EXT2: variants seen among roughly 807,000 people sequenced by gnomAD.
EXT2 encodes exostosin-2.
Under a neutral mutation model 81.6 loss-of-function variants are expected in EXT2, and 53 were observed. The observed-to-expected ratio is 0.65, with a 90% CI of 0.52 to 0.82. The LOEUF (loss-of-function observed/expected upper bound fraction) is 0.82, where lower values mean the gene tolerates loss of function less well. EXT2 is among the 40% of genes least tolerant of loss of function. The probability of loss-of-function intolerance (pLI) is 0.00; values close to 1 mark genes in which losing one functional copy is unlikely to be tolerated. For missense variants in EXT2, 774 were observed against 910.2 expected (o/e 0.85, Z 1.93); for synonymous variants, 320 against 340.0 (o/e 0.94, Z 0.65).
At chr11:44,228,757 G>A (rs1403635140) in intron 10 of EXT2, among the ~76,000 whole-genome samples, 5 of 152,154 alleles carry the variant, frequency 3.3e-5, no homozygotes, top group African/African-American at 1.2e-4. Flanking sequence ...ACCAAATTAA[G>A]TCCCTGAGAG....
chr11:44,134,875 GC>G (rs1247636888), intron 7 of EXT2, among the ~76,000 whole-genome samples: 1 of 152,196 alleles, frequency 6.6e-6, no homozygotes, highest in Non-Finnish European at 1.5e-5. Context: ...TTGACTAGAA[GC>G]CTTTGAGGTG....
At chr11:44,150,565 C>G (rs898436471) in intron 7 of EXT2, among the ~76,000 whole-genome samples, 3 of 152,162 alleles carry the variant, frequency 2.0e-5, no homozygotes, top group Non-Finnish European at 4.4e-5. Flanking sequence ...AGATCTTGCA[C>G]TGGGCAGTGG....
At chr11:44,148,141 AACTC>A in intron 7 of EXT2, among the ~76,000 whole-genome samples, 3 of 152,324 alleles carry the variant, frequency 2.0e-5, no homozygotes, top group Middle Eastern at 3.4e-3. Flanking sequence ...AGTAAGGACT[AACTC>A]CCAACTGTGT....
intron 12 of EXT2, among the ~76,000 whole-genome samples, chr11:44,235,827 A>T (rs1268294614): frequency 6.6e-6 from 1 of 152,188 alleles, no homozygotes; most frequent in Non-Finnish European, 1.5e-5. Context: ...ACTCAAGGGA[A>T]TTGCAAAATA....
In EXT2 at chr11:44,095,778, G is replaced by A. The variant is rs1304585709; in HGVS notation, c.-105G>A. 2 of 158,652 alleles carry A rather than the reference G, an allele frequency of 1.3e-5. No homozygotes were observed. Among genetic ancestry groups the A allele is most frequent in the Admixed American group, 6.5e-5 (1 of 15,348 alleles). 9.8% of individuals were successfully genotyped at this position (158,652 alleles called of 1,614,324 possible). A position where few individuals can be genotyped will look rare whatever the true frequency, so the allele number is the denominator to read the frequency against. ...GGCGATTCGGACCGATCCGACCTGGGCGGAGGTGGCCCGCGCCCCGCGGCA... is the reference window on the plus strand; with the variant it reads ...GGCGATTCGGACCGATCCGACCTGGACGGAGGTGGCCCGCGCCCCGCGGCA... On this transcript the variant is annotated 5_prime_UTR_variant, in exon 1 of 14. Coordinates refer to ENST00000533608, the MANE Select transcript of EXT2 (RefSeq NM_207122.2).
intron 7 of EXT2, chr11:44,144,294 C>A: frequency 6.3e-7 from 1 of 1,598,454 alleles, no homozygotes; most frequent in Non-Finnish European, 8.5e-7. Flanking sequence ...CTGCTAATCA[C>A]CAAATGAACT....
At chr11:44,119,726 C>T (rs1019948009) in intron 4 of EXT2, among the ~76,000 whole-genome samples, 1 of 152,210 alleles carries the variant, frequency 6.6e-6, no homozygotes, top group African/African-American at 2.4e-5. Flanking sequence ...TATAAGCAAG[C>T]CTTTCTAAGG....
chr11:44,151,766 C>T lies in EXT2; in HGVS notation c.1174-19845C>T, dbSNP rs536707601. Among the ~76,000 whole-genome samples, 7 of 152,208 alleles carry T rather than the reference C, an allele frequency of 4.6e-5. 1 individual carries two copies. In the South Asian group the frequency reaches 1.0e-3, roughly 23 times the overall value. On this transcript the variant is annotated intron_variant, in intron 7 of 13. Transcript: ENST00000533608. ...GTTGCTGGCTTGCATGGCAAGAATA[C>T]GTTTAGTTTTGTAGGAACCTACCAA...
rs571411623 is a variant in EXT2 at position 44,175,146 on chromosome 11, CTGTT to C, written c.1305+3407_1305+3410del. Among the ~76,000 whole-genome samples, 626 of 152,246 alleles carry C rather than the reference CTGTT, an allele frequency of 4.1e-3. 3 individuals carry two copies. The highest frequency in any genetic ancestry group is 5.9e-3 in the Non-Finnish European group (400 of 68,008). On this transcript the variant is annotated intron_variant, in intron 8 of 13. Coordinates refer to ENST00000533608, the MANE Select transcript of EXT2 (RefSeq NM_207122.2). Reference sequence around the variant, plus strand: ...GTGGGACCAGACTGGAGGCAGTAGACTGTTTGAGAAATGCAGATGAAAATTAATA... The same window carrying C: ...GTGGGACCAGACTGGAGGCAGTAGACTGAGAAATGCAGATGAAAATTAATA...
chr11:44,099,216 C>T (rs1565192968), intron 1 of EXT2, among the ~76,000 whole-genome samples: 2 of 151,996 alleles, frequency 1.3e-5, no homozygotes, highest in South Asian at 4.2e-4. Flanking sequence ...GACGGAGTCT[C>T]GCACTTTCAT....
In EXT2 at chr11:44,207,389, GTGGAGAGGC is replaced by G. The variant is rs1411281971; in HGVS notation, c.1662+434_1662+442del. Among the ~76,000 whole-genome samples, 7 of 152,240 alleles carry G rather than the reference GTGGAGAGGC, an allele frequency of 4.6e-5. No individual in the cohort carries two copies. In the East Asian group the frequency reaches 1.3e-3, roughly 29 times the overall value. On this transcript the variant is annotated intron_variant, in intron 10 of 13. Transcript: ENST00000533608. ...TGATGGCTTTCTTTCTGAGTTTTAA[GTGGAGAGGC>G]TGGCTGCCTGTCTTTAGGGAGAAAC...
At chr11:44,192,540 T>C (rs1246955533) in intron 8 of EXT2, among the ~76,000 whole-genome samples, 2 of 152,008 alleles carry the variant, frequency 1.3e-5, no homozygotes, top group Non-Finnish European at 2.9e-5. Context: ...CCAATACCAG[T>C]GTTTTAGTAG....
At chr11:44,213,903 T>C (rs1192678742) in intron 10 of EXT2, among the ~76,000 whole-genome samples, 1 of 152,202 alleles carries the variant, frequency 6.6e-6, no homozygotes, top group Non-Finnish European at 1.5e-5. Flanking sequence ...ATCCAAAGAA[T>C]AAATAGTATA....
rs200613371 is a variant in EXT2, at chr11:44,108,094, C to T, written c.382C>T (p.Arg128Trp). 225 of 1,614,162 alleles carry T rather than the reference C, an allele frequency of 1.4e-4. 1 individual carries two copies. In the South Asian group the frequency reaches 1.8e-3, roughly 13 times the overall value. ...CGTCTCTGTCAGCAACACCATCTCC[C>T]GGGAGTATAATGAACTGCTCATGGC... ...FGVSVSNTIS[R>W]EYNELLMAIS... The change falls in exon 2 of 14, where the codon CGG becomes TGG. Residue 128 changes from arginine (R) to tryptophan (W), a missense_variant. Transcript: ENST00000533608.
chr11:44,131,518 A>G (rs191304407), intron 7 of EXT2, among the ~76,000 whole-genome samples: 2 of 152,312 alleles, frequency 1.3e-5, no homozygotes, highest in African/African-American at 4.8e-5. Context: ...CGCAAATCGC[A>G]GGTTAGTTTT....
At chr11:44,137,523 A>C (rs1238359264) in intron 7 of EXT2, among the ~76,000 whole-genome samples, 1 of 151,422 alleles carries the variant, frequency 6.6e-6, no homozygotes, top group East Asian at 1.9e-4. Context: ...GCATTCTTTA[A>C]ATTTAGGAGA....
chr11:44,182,040 T>C (rs772731595), intron 8 of EXT2, among the ~76,000 whole-genome samples: 9 of 151,994 alleles, frequency 5.9e-5, no homozygotes, highest in Non-Finnish European at 1.0e-4. Context: ...GTTTTGGGGG[T>C]TGGGGAAAGG....
At position 44,240,379 on chromosome 11, in the gene EXT2, C is replaced by A. The variant is rs371392260; in HGVS notation, c.2019-3770C>A. ...GCAGGCTGGAGAAGGTCTTTGAATTCAATGGTTGTTGGTACCTTACAAAAA... is the reference window on the plus strand; with the variant it reads ...GCAGGCTGGAGAAGGTCTTTGAATTAAATGGTTGTTGGTACCTTACAAAAA... On this transcript the variant is annotated intron_variant, in intron 13 of 13. Coordinates refer to ENST00000533608, the MANE Select transcript of EXT2 (RefSeq NM_207122.2). Among the ~76,000 whole-genome samples, 48 of 152,248 alleles carry A rather than the reference C, an allele frequency of 3.2e-4. 1 individual carries two copies. In the East Asian group the frequency reaches 6.8e-3, roughly 21 times the overall value.
chr11:44,140,977 A>G (rs1244750242), intron 7 of EXT2, among the ~76,000 whole-genome samples: 1 of 152,144 alleles, frequency 6.6e-6, no homozygotes, highest in Admixed American at 6.5e-5. Flanking sequence ...TTGATCTTGG[A>G]TTGTCATTGA....
Sources: gnomAD v4.1 joint callset for allele counts (sites outside exome capture counted in the v4.1 genomes callset) on GRCh38, gnomAD v4.1.1 for gene constraint, MANE v1.5 for transcripts, NCBI Gene and HGNC (gene_info 2026-07-23, HGNC 2026-07-21) for gene names.